Variants in FAM210A observed in about 807,000 individuals in gnomAD.
FAM210A encodes family with sequence similarity 210 member A.
Under a neutral mutation model 25.3 loss-of-function variants are expected in FAM210A, and 13 were observed. The ratio of observed to expected loss-of-function variants is 0.51; its 90% CI spans 0.33 to 0.82. The LOEUF is 0.82. Among genes scored for constraint, FAM210A ranks in the 40% least tolerant of loss-of-function variants. The probability of loss-of-function intolerance (pLI) is 0.02; values close to 1 mark genes in which losing one functional copy is unlikely to be tolerated. For synonymous variants in FAM210A, 125 were observed against 118.7 expected (o/e 1.05, Z -0.35); for missense variants, 319 against 323.2 (o/e 0.99, Z 0.10).
rs2149056691 is a variant in FAM210A at position 13,681,682 on chromosome 18, C to T, written c.396G>A (p.Gln132=). Residue 132 remains glutamine, a synonymous_variant, in exon 2 of 4, where the codon CAG becomes CAA. Coordinates refer to ENST00000651643, the MANE Select transcript of FAM210A (RefSeq NM_152352.4). ...LYQRFKKTFR[Q]YGKVLIPVHL... ...GCACTGGAATCAGAACTTTTCCATA[C>T]TGTCTAAATGTCTTCTTGAATCGTT... 6.2e-7 allele frequency: 1 copy of T among 1,614,032 alleles called. No individual in the cohort carries two copies. Among genetic ancestry groups the T allele is most frequent in the South Asian group, 1.1e-5 (1 of 91,004 alleles).
chr18:13,721,025 T>C (rs534849901), intron 1 of FAM210A, among the ~76,000 whole-genome samples: 1 of 152,296 alleles, frequency 6.6e-6, no homozygotes, highest in South Asian at 2.1e-4. Flanking sequence ...CAGTATGACC[T>C]CATCTTATCT....
At chr18:13,719,644 A>G (rs768364457) in intron 1 of FAM210A, among the ~76,000 whole-genome samples, 14 of 152,170 alleles carry the variant, frequency 9.2e-5, no homozygotes, top group Non-Finnish European at 1.8e-4. Context: ...AATTCTCAGA[A>G]GTAATAAACT....
intron 1 of FAM210A, among the ~76,000 whole-genome samples, chr18:13,714,916 T>C (rs1164910821): frequency 6.6e-6 from 1 of 152,160 alleles, no homozygotes; most frequent in Non-Finnish European, 1.5e-5. Flanking sequence ...AATAGCGTCC[T>C]CATGTATAAC....
In FAM210A at chr18:13,666,359, C is replaced by G. The variant is rs1220645358; in HGVS notation, c.*121G>C. The G allele has an allele frequency of 2.9e-6, 2 of 699,714 alleles. No homozygotes were observed. Among genetic ancestry groups the G allele is most frequent in the African/African-American group, 3.6e-5 (2 of 55,460 alleles). 43.3% of individuals were successfully genotyped at this position (699,714 alleles called of 1,614,324 possible). A position where few individuals can be genotyped will look rare whatever the true frequency, so the allele number is the denominator to read the frequency against. On this transcript the variant is annotated 3_prime_UTR_variant, in exon 4 of 4. Coordinates refer to ENST00000651643, the MANE Select transcript of FAM210A (RefSeq NM_152352.4). Reference sequence around the variant, plus strand: ...TTAAAAAGGTATTTTACTTCTTTAACCCTCAGAGAACTAGTATATTTCGGC... The same window carrying G: ...TTAAAAAGGTATTTTACTTCTTTAAGCCTCAGAGAACTAGTATATTTCGGC...
chr18:13,692,488 G>A (rs1601954394), intron 1 of FAM210A, among the ~76,000 whole-genome samples: 1 of 152,036 alleles, frequency 6.6e-6, no homozygotes, highest in East Asian at 1.9e-4. Context: ...TTCCAAAACT[G>A]ACCACATAGT....
At chr18:13,700,936 G>A (rs142423440) in intron 1 of FAM210A, among the ~76,000 whole-genome samples, 79 of 152,260 alleles carry the variant, frequency 5.2e-4, no homozygotes, top group Non-Finnish European at 8.8e-4. Flanking sequence ...TCTGATTTCC[G>A]TATATCATTT....
intron 1 of FAM210A, among the ~76,000 whole-genome samples, chr18:13,718,313 C>T (rs1225600225): frequency 3.3e-5 from 5 of 152,024 alleles, no homozygotes; most frequent in Non-Finnish European, 1.5e-5. Flanking sequence ...ACAGGGACTA[C>T]AAAAATGGAA....
intron 1 of FAM210A, among the ~76,000 whole-genome samples, chr18:13,710,075 G>C (rs373497730): frequency 2.0e-5 from 3 of 152,180 alleles, no homozygotes; most frequent in African/African-American, 7.2e-5. Context: ...CCCTAAAACT[G>C]ATGTCCTCCT....
At position 13,665,819 on chromosome 18, in the gene FAM210A, T is replaced by G. The variant is rs908652960; in HGVS notation, c.*661A>C. 2 of 152,110 alleles carry G rather than the reference T, an allele frequency of 1.3e-5. No individual in the cohort carries two copies. Among genetic ancestry groups the G allele is most frequent in the Admixed American group, 1.3e-4 (2 of 15,252 alleles). The allele number at this position is 152,110 out of a possible 1,614,324, so 9.4% of individuals were successfully genotyped here. A position where few individuals can be genotyped will look rare whatever the true frequency, so the allele number is the denominator to read the frequency against. ...AAAAGTACCATCACCATATATATAT[T>G]TGCTTTAAAAAAATTATGACAAGCT... On this transcript the variant is annotated 3_prime_UTR_variant, in exon 4 of 4. Coordinates refer to ENST00000651643, the MANE Select transcript of FAM210A (RefSeq NM_152352.4).
At chr18:13,699,611 G>C (rs1385815437) in intron 1 of FAM210A, among the ~76,000 whole-genome samples, 6 of 152,196 alleles carry the variant, frequency 3.9e-5, no homozygotes, top group Non-Finnish European at 7.3e-5. Context: ...AGAATCCACA[G>C]TTCCCTTGCA....
At chr18:13,724,985 G>C (rs767101539) in intron 1 of FAM210A, among the ~76,000 whole-genome samples, 36 of 152,114 alleles carry the variant, frequency 2.4e-4, no homozygotes, top group Non-Finnish European at 4.6e-4. Context: ...TGTTGGCCAG[G>C]CTGGTCTCAA....
intron 1 of FAM210A, among the ~76,000 whole-genome samples, chr18:13,691,983 T>A (rs1209808410): frequency 7.3e-6 from 1 of 136,960 alleles, no homozygotes; most frequent in Admixed American, 7.7e-5. Flanking sequence ...TCAAGACCCA[T>A]CAGTGTGCTG....
intron 1 of FAM210A, among the ~76,000 whole-genome samples, chr18:13,705,166 C>T (rs115087000): frequency 0.013 from 1,995 of 152,280 alleles, 46 homozygotes; most frequent in African/African-American, 0.045. Context: ...CACGTTAAAT[C>T]AGCTGGTACT....
chr18:13,673,314 T>A (rs1263641881), intron 2 of FAM210A, among the ~76,000 whole-genome samples: 8 of 151,412 alleles, frequency 5.3e-5, no homozygotes. Context: ...AGTTTCCTGA[T>A]TATTAACATT....
intron 1 of FAM210A, among the ~76,000 whole-genome samples, chr18:13,711,582 A>G (rs1284213): frequency 0.92 from 140,156 of 152,198 alleles, 64,587 homozygotes; most frequent in East Asian, 0.97. Flanking sequence ...AAAGTCTTTC[A>G]GACTTTCCTT....
intron 1 of FAM210A, among the ~76,000 whole-genome samples, chr18:13,712,155 A>G (rs1160141043): frequency 2.0e-5 from 3 of 152,250 alleles, no homozygotes; most frequent in Non-Finnish European, 4.4e-5. Context: ...CCCAGACTGC[A>G]AAATCAACAG....
At chr18:13,697,359 T>C (rs2043703273) in intron 1 of FAM210A, among the ~76,000 whole-genome samples, 1 of 151,646 alleles carries the variant, frequency 6.6e-6, no homozygotes, top group Non-Finnish European at 1.5e-5. Context: ...AAATTGCAAA[T>C]TAAAAACACT....
At chr18:13,699,545 G>A (rs1355448229) in intron 1 of FAM210A, among the ~76,000 whole-genome samples, 1 of 151,716 alleles carries the variant, frequency 6.6e-6, no homozygotes, top group Non-Finnish European at 1.5e-5. Context: ...TTATATCTTT[G>A]TATCTTTTCA....
chr18:13,707,243 C>G (rs1384274440), intron 1 of FAM210A, among the ~76,000 whole-genome samples: 1 of 152,148 alleles, frequency 6.6e-6, no homozygotes, highest in Non-Finnish European at 1.5e-5. Context: ...AGAACCAGAA[C>G]AGAAGGGGGA....
Sources: gnomAD v4.1 joint callset for allele counts (sites outside exome capture counted in the v4.1 genomes callset) on GRCh38, gnomAD v4.1.1 for gene constraint, MANE v1.5 for transcripts, NCBI Gene and HGNC (gene_info 2026-07-23, HGNC 2026-07-21) for gene names.